Variants in MTPAP observed in about 807,000 individuals in gnomAD.
MTPAP encodes the protein poly(A) RNA polymerase, mitochondrial.
In MTPAP, 23 loss-of-function variants were observed where a neutral mutation model predicts 48.7. The observed-to-expected ratio is 0.47, with a 90% CI of 0.34 to 0.67. MTPAP has a LOEUF of 0.67. Among genes scored for constraint, MTPAP ranks in the 30% least tolerant of loss-of-function variants. The pLI is 0.01. For synonymous variants in MTPAP, 257 were observed against 254.1 expected (o/e 1.01, Z -0.11); for missense variants, 614 against 694.3 (o/e 0.88, Z 1.30).
intron 6 of MTPAP, among the ~76,000 whole-genome samples, chr10:30,317,837 A>G (rs1840679173): frequency 6.6e-6 from 1 of 152,100 alleles, no homozygotes; most frequent in Non-Finnish European, 1.5e-5. Flanking sequence ...TATAATCAAT[A>G]ATCTGGATGA....
chr10:30,340,034 A>G, intron 3 of MTPAP, 192 bp downstream of exon 3: 1 of 606,840 alleles, frequency 1.6e-6, no homozygotes, highest in Non-Finnish European at 2.9e-6. Context: ...AGAAAGCTAG[A>G]AATAGAAAAA....
At chr10:30,347,121 C>G (rs1588724072) in intron 1 of MTPAP, among the ~76,000 whole-genome samples, 1 of 152,168 alleles carries the variant, frequency 6.6e-6, no homozygotes, top group South Asian at 2.1e-4. Context: ...CAGAAAGAAT[C>G]CCGAATAATA....
At chr10:30,341,182 A>G (rs1438918762) in intron 2 of MTPAP, among the ~76,000 whole-genome samples, 1 of 152,224 alleles carries the variant, frequency 6.6e-6, no homozygotes, top group Non-Finnish European at 1.5e-5. Flanking sequence ...GCCAACAGCC[A>G]CTGCACTCCA....
intron 4 of MTPAP, among the ~76,000 whole-genome samples, chr10:30,329,697 T>G (rs1391362699): frequency 1.3e-5 from 2 of 151,978 alleles, no homozygotes; most frequent in African/African-American, 4.8e-5. Context: ...TTAACTAATA[T>G]ATAGTTGGCA....
chr10:30,316,173 G>C lies in MTPAP; in HGVS notation c.1257C>G (p.Cys419Trp). Reference sequence around the variant, plus strand: ...TTCTACTCAAGTCACGAACAAATGTGCAGTTGTTGCCTTCTATTACACATT... The same window carrying C: ...TTCTACTCAAGTCACGAACAAATGTCCAGTTGTTGCCTTCTATTACACATT... ...EDKCVIEGNN[C>W]TFVRDLSRIK... Residue 419 changes from cysteine to tryptophan, a missense_variant, in exon 7 of 9, where the codon TGC (cysteine) becomes TGG (tryptophan). Around this residue, in one of 5 missense-constraint regions of MTPAP, gnomAD observed 261 missense variants for 355.4 expected, o/e 0.73. Coordinates refer to ENST00000263063, the MANE Select transcript of MTPAP (RefSeq NM_018109.4). 1 of 1,613,776 alleles carries C rather than the reference G, an allele frequency of 6.2e-7. No homozygotes were observed. The highest frequency in any genetic ancestry group is 8.5e-7 in the Non-Finnish European group (1 of 1,179,846).
At position 30,313,819 on chromosome 10, in the gene MTPAP, A is replaced by G. The variant is rs770916852; in HGVS notation, c.1539T>C (p.Asp513=). The G allele has an allele frequency of 1.4e-5, 22 of 1,614,200 alleles. No homozygotes were observed. Among genetic ancestry groups the G allele is most frequent in the Non-Finnish European group, 1.8e-5 (21 of 1,180,024 alleles). ...RESAWILQQE[D]TDRPSISSNR... ...TACTTGATATGGAAGGTCGATCTGT[A>G]TCTTCCTGTTGTAAAATCCAGGCAC... The change falls in exon 9 of 9, where the codon GAT becomes GAC. Residue 513 remains aspartate, a synonymous_variant. Coordinates refer to ENST00000263063, the MANE Select transcript of MTPAP (RefSeq NM_018109.4).
chr10:30,329,198 A>C (rs1193631796), intron 4 of MTPAP, among the ~76,000 whole-genome samples: 1 of 151,698 alleles, frequency 6.6e-6, no homozygotes, highest in Non-Finnish European at 1.5e-5. Flanking sequence ...CAGTGAGCCG[A>C]GATTGTGCCC....
rs979468806 is a variant in MTPAP, at chr10:30,310,932, T to C, written c.*2677A>G. On this transcript the variant is annotated 3_prime_UTR_variant, in exon 9 of 9. Coordinates refer to ENST00000263063, the MANE Select transcript of MTPAP (RefSeq NM_018109.4). ...AAACAAAAAACAAGTCTTTGTAGATTTAAAATTAATCACATAATTAAATCT... is the reference window on the plus strand; with the variant it reads ...AAACAAAAAACAAGTCTTTGTAGATCTAAAATTAATCACATAATTAAATCT... The C allele has an allele frequency of 6.6e-6, 1 of 151,928 alleles. No homozygotes were observed. The highest frequency in any genetic ancestry group is 6.6e-5 in the Admixed American group (1 of 15,228). 9.4% of individuals were successfully genotyped at this position (151,928 alleles called of 1,614,324 possible). A position where few individuals can be genotyped will look rare whatever the true frequency, so the allele number is the denominator to read the frequency against.
chr10:30,339,776 G>A (rs547241140), intron 3 of MTPAP, among the ~76,000 whole-genome samples: 14 of 152,260 alleles, frequency 9.2e-5, no homozygotes, highest in East Asian at 3.9e-4. Flanking sequence ...ATATTAGCAC[G>A]ACAAATGTAA....
intron 2 of MTPAP, among the ~76,000 whole-genome samples, chr10:30,340,817 G>T (rs1043026137): frequency 1.3e-5 from 2 of 152,100 alleles, no homozygotes; most frequent in African/African-American, 4.8e-5. Flanking sequence ...TACTTGGAAG[G>T]CTGAGGCAGG....
chr10:30,326,685 T>A (rs781561822), intron 4 of MTPAP, 50 bp from the exon 5 acceptor site: 167 of 1,415,316 alleles, frequency 1.2e-4, no homozygotes, highest in Non-Finnish European at 1.6e-4. Context: ...AAAAAAACAA[T>A]TTTTTAATAA....
intron 5 of MTPAP, among the ~76,000 whole-genome samples, chr10:30,323,775 G>A (rs1834543038): frequency 6.6e-6 from 1 of 152,228 alleles, no homozygotes; most frequent in Non-Finnish European, 1.5e-5. Context: ...CTCCCAAAAT[G>A]CTGGGATTAC....
intron 4 of MTPAP, among the ~76,000 whole-genome samples, chr10:30,332,903 C>T (rs1468809775): frequency 1.3e-5 from 2 of 151,990 alleles, no homozygotes; most frequent in Non-Finnish European, 2.9e-5. Context: ...AGGCAGATCA[C>T]GAGGTCAGGA....
At chr10:30,335,370 C>T (rs1381017732) in intron 4 of MTPAP, among the ~76,000 whole-genome samples, 1 of 152,068 alleles carries the variant, frequency 6.6e-6, no homozygotes, top group Non-Finnish European at 1.5e-5. Flanking sequence ...CCTGCAGTCC[C>T]AGCTACTTGG....
intron 6 of MTPAP, among the ~76,000 whole-genome samples, chr10:30,320,452 G>A (rs1173915332): frequency 1.1e-4 from 16 of 152,110 alleles, no homozygotes; most frequent in Admixed American, 1.0e-3. Flanking sequence ...AGCCCGGGAG[G>A]TCGAGGCTAT....
At chr10:30,337,625 G>A (rs1390312718) in intron 3 of MTPAP, among the ~76,000 whole-genome samples, 1 of 152,228 alleles carries the variant, frequency 6.6e-6, no homozygotes. Context: ...AAGCTCTGAG[G>A]AATGCCACTA....
At chr10:30,318,551 G>A (rs566705642) in intron 6 of MTPAP, among the ~76,000 whole-genome samples, 2 of 152,192 alleles carry the variant, frequency 1.3e-5, no homozygotes, top group South Asian at 2.1e-4. Flanking sequence ...AAAGCACTAA[G>A]CACAGAAGTA....
chr10:30,339,730 CCATTT>C (rs1469184203), intron 3 of MTPAP, among the ~76,000 whole-genome samples: 4 of 152,126 alleles, frequency 2.6e-5, no homozygotes, highest in Middle Eastern at 3.4e-3. Context: ...AAAAGCAATC[CCATTT>C]ATTTATAGAG....
chr10:30,331,081 C>G (rs987044940), intron 4 of MTPAP, among the ~76,000 whole-genome samples: 6 of 152,040 alleles, frequency 3.9e-5, no homozygotes, highest in Admixed American at 3.9e-4. Flanking sequence ...GGACTCAGTA[C>G]AGAAATAAAA....
Sources: allele counts gnomAD v4.1 joint callset (sites outside exome capture counted in the v4.1 genomes callset), GRCh38; gene constraint gnomAD v4.1.1; regional missense constraint gnomAD v4.1.1; transcripts MANE v1.5; gene names NCBI Gene and HGNC (gene_info 2026-07-23, HGNC 2026-07-21).